The following STK3 variants were observed in gnomAD, a reference collection of about 807,000 sequenced individuals.
STK3 encodes serine/threonine-protein kinase 3.
Under a neutral mutation model 58.0 loss-of-function variants are expected in STK3, and 41 were observed. The ratio of observed to expected loss-of-function variants is 0.71; its 90% CI spans 0.55 to 0.92. The LOEUF (loss-of-function observed/expected upper bound fraction) is 0.92, where lower values mean the gene tolerates loss of function less well. Among genes scored for constraint, STK3 ranks in the 40% least tolerant of loss-of-function variants. STK3 has a pLI of 0.00. For synonymous variants in STK3, 170 were observed against 191.0 expected, an observed-to-expected ratio of 0.89 and a Z score of 0.91; for missense variants, 479 against 602.7, an observed-to-expected ratio of 0.79 and a Z score of 2.15.
intron 10 of STK3, among the ~76,000 whole-genome samples, chr8:98,465,807 C>T (rs181237700): frequency 1.3e-5 from 2 of 152,220 alleles, no homozygotes; most frequent in African/African-American, 2.4e-5. Flanking sequence ...AGAGAAATCT[C>T]GGCCACCCAT....
chr8:98,425,811 A>G (rs1005148346), intron 3 of STK3, among the ~76,000 whole-genome samples: 2 of 152,156 alleles, frequency 1.3e-5, no homozygotes, highest in Non-Finnish European at 2.9e-5. Context: ...TGTACTTCCC[A>G]CTGTGGCAGT....
downstream of STK3, among the ~76,000 whole-genome samples, chr8:98,367,826 A>C (rs1817578994): frequency 6.6e-6 from 1 of 152,240 alleles, no homozygotes; most frequent in Admixed American, 6.5e-5. Context: ...ACCAGCATGC[A>C]GGCTGCCTTT....
At chr8:98,348,314 A>T in the STK3 span, among the ~76,000 whole-genome samples, 1 of 152,244 alleles carries the variant, frequency 6.6e-6, no homozygotes, top group Non-Finnish European at 1.5e-5. Flanking sequence ...AGAAGAGTTA[A>T]TAAAAGAAAA....
At chr8:98,703,738 T>C (rs1311813655) in intron 6 of STK3, among the ~76,000 whole-genome samples, 1 of 152,090 alleles carries the variant, frequency 6.6e-6, no homozygotes, top group Non-Finnish European at 1.5e-5. Flanking sequence ...ACCCTCCATA[T>C]CAAGGCCATA....
chr8:98,428,024 G>A lies in STK3; in HGVS notation n.483+6103C>T, dbSNP rs770114047. ...GGGACGTGTCGGAGGCTAACGTCGA[G>A]GACGGGGAGATCCGCATCAATGTGG... is the stretch of plus-strand genomic sequence containing the variant. On this transcript the variant is annotated intron_variant and non_coding_transcript_variant, in intron 3 of 3. Transcript: ENST00000517832. This position sits in a 1 kb window ranked among gnomAD's most constrained non-coding sequence, Gnocchi z 6.7. 7 of 1,602,650 alleles carry A rather than the reference G, an allele frequency of 4.4e-6. No individual in the cohort carries two copies. The highest frequency in any genetic ancestry group is 2.3e-5 in the East Asian group (1 of 44,196).
intron 9 of STK3, among the ~76,000 whole-genome samples, chr8:98,528,459 C>T (rs771008639): frequency 1.4e-4 from 22 of 152,090 alleles, no homozygotes; most frequent in Non-Finnish European, 2.2e-4. Context: ...ATATAATTCT[C>T]CAAATAGAAA....
intron 6 of STK3, chr8:98,633,574 CCT>C (rs1819413792): frequency 6.8e-6 from 5 of 740,594 alleles, no homozygotes; most frequent in Non-Finnish European, 1.3e-5. Flanking sequence ...TTCAGGTTCT[CCT>C]CTGTCTTTCA....
intron 8 of STK3, among the ~76,000 whole-genome samples, chr8:98,564,190 C>T (rs987058090): frequency 1.9e-4 from 29 of 151,962 alleles, no homozygotes; most frequent in African/African-American, 6.8e-4. Flanking sequence ...AAAAAAAATC[C>T]CAATTGAAGG....
intron 10 of STK3, among the ~76,000 whole-genome samples, chr8:98,473,023 CA>C (rs1291645799): frequency 6.6e-6 from 1 of 152,040 alleles, no homozygotes; most frequent in Non-Finnish European, 1.5e-5. Context: ...AAAGTGCCTT[CA>C]AAAATTTGTT....
intron 10 of STK3, among the ~76,000 whole-genome samples, chr8:98,490,874 A>T (rs1462936454): frequency 6.6e-6 from 1 of 152,156 alleles, no homozygotes; most frequent in Non-Finnish European, 1.5e-5. Context: ...ACTCCCGGAG[A>T]TTCTGTTTCA....
At chr8:98,496,923 C>T (rs548285807) in intron 10 of STK3, among the ~76,000 whole-genome samples, 1 of 151,806 alleles carries the variant, frequency 6.6e-6, no homozygotes, top group South Asian at 2.1e-4. Context: ...TTTAACTGTA[C>T]ACTTAAAAAT....
At chr8:98,721,072 A>C (rs1201535502) in intron 4 of STK3, 18 of 984,102 alleles carry the variant, frequency 1.8e-5, no homozygotes, top group Non-Finnish European at 2.2e-5. Context: ...AAGCACACTC[A>C]CCTGGCCAAT....
intron 4 of STK3, among the ~76,000 whole-genome samples, chr8:98,733,625 A>T (rs779463329): frequency 6.6e-5 from 10 of 152,192 alleles, no homozygotes; most frequent in Non-Finnish European, 1.3e-4. Context: ...TTCTCTCACC[A>T]ATGAAACTTT....
intron 2 of STK3, among the ~76,000 whole-genome samples, chr8:98,773,674 G>A (rs981196193): frequency 6.6e-6 from 1 of 151,876 alleles, no homozygotes; most frequent in African/African-American, 2.4e-5. Flanking sequence ...GGTAGATTTC[G>A]CATGTTCATT....
rs571486664 is a variant in STK3 at position 98,849,693 on chromosome 8, T to G, written c.110+33954A>C. On this transcript the variant is annotated intron_variant, in intron 3 of 12. Coordinates refer to the STK3 transcript ENST00000523601. ...AGCTTGCTCTGCTTGACAACAAAAG[T>G]GCTCTTAGAAGCTCATAATTTCAGA... 2.6e-5 allele frequency among the ~76,000 whole-genome samples: 4 copies of G among 152,250 alleles called. No homozygotes were observed. In the South Asian group the frequency reaches 6.2e-4, roughly 24 times the overall value.
intron 1 of STK3, among the ~76,000 whole-genome samples, chr8:98,904,054 G>A (rs1838789292): frequency 6.6e-6 from 1 of 152,212 alleles, no homozygotes; most frequent in East Asian, 1.9e-4. Flanking sequence ...AAAATGGGAG[G>A]AGTGGAGTAA....
intron 6 of STK3, among the ~76,000 whole-genome samples, chr8:98,644,006 C>G (rs181599485): frequency 4.1e-4 from 63 of 152,146 alleles, no homozygotes; most frequent in Non-Finnish European, 1.0e-4. Flanking sequence ...CAGACAAAGA[C>G]CCCAACTCAA....
At chr8:98,357,664 A>C in the STK3 span, among the ~76,000 whole-genome samples, 6 of 152,338 alleles carry the variant, frequency 3.9e-5, no homozygotes, top group East Asian at 1.2e-3. Flanking sequence ...AACATAGTTG[A>C]TACCCTTCTA....
intron 6 of STK3, among the ~76,000 whole-genome samples, chr8:98,671,521 A>G (rs1377179961): frequency 6.6e-6 from 1 of 152,176 alleles, no homozygotes; most frequent in Non-Finnish European, 1.5e-5. Context: ...TCACTGACAC[A>G]GTTATTTGAC....
Sources: gnomAD v4.1 joint callset for allele counts (sites outside exome capture counted in the v4.1 genomes callset) on GRCh38, gnomAD v4.1.1 for gene constraint, Gnocchi (gnomAD v3.1) non-coding constraint, MANE v1.5 for transcripts, NCBI Gene and HGNC (gene_info 2026-07-23, HGNC 2026-07-21) for gene names.